CEP120: variants seen among roughly 807,000 people sequenced by gnomAD.
CEP120 encodes the protein centrosomal protein of 120 kDa.
CEP120 carries 113 observed loss-of-function variants against 126.5 expected under a neutral mutation model. The ratio of observed to expected loss-of-function variants is 0.89; its 90% CI spans 0.77 to 1.04. The LOEUF is 1.04. Among genes scored for constraint, CEP120 ranks in the 50% least tolerant of loss-of-function variants. The pLI, the probability that CEP120 is intolerant of heterozygous loss-of-function variation, is 0.00. For missense variants in CEP120, 1,230 were observed against 1,155.7 expected (o/e 1.06, Z -0.93); for synonymous variants, 400 against 394.3 (o/e 1.01, Z -0.17).
chr5:123,392,567 C>T (rs1346516), intron 6 of CEP120, among the ~76,000 whole-genome samples: 12 of 152,010 alleles, frequency 7.9e-5, no homozygotes, highest in African/African-American at 2.9e-4. Flanking sequence ...CTGGAGTACA[C>T]TGGTGTGATC....
At chr5:123,402,885 G>C (rs1438842980) in intron 4 of CEP120, among the ~76,000 whole-genome samples, 1 of 152,152 alleles carries the variant, frequency 6.6e-6, no homozygotes. Context: ...ATGAGATCAG[G>C]TGCCCTTATA....
chr5:123,412,355 A>G (rs1208265546), intron 4 of CEP120, 44 bp downstream of exon 4: 1 of 1,563,624 alleles, frequency 6.4e-7, no homozygotes. Context: ...TCTAGTCCAA[A>G]GATGGAACTT....
chr5:123,401,330 G>A, intron 4 of CEP120: 1 of 1,603,166 alleles, frequency 6.2e-7, no homozygotes, highest in Admixed American at 1.7e-5. Flanking sequence ...ACACTGCTCG[G>A]CATCTGCAAT....
chr5:123,391,637 ATTTTACT>A (rs1772409380), intron 6 of CEP120, among the ~76,000 whole-genome samples: 1 of 152,156 alleles, frequency 6.6e-6, no homozygotes, highest in African/African-American at 2.4e-5. Flanking sequence ...CTACTTTAAT[ATTTTACT>A]ATAACAAAAT....
chr5:123,410,827 C>T (rs1283571886), intron 4 of CEP120, among the ~76,000 whole-genome samples: 1 of 152,184 alleles, frequency 6.6e-6, no homozygotes, highest in Admixed American at 6.5e-5. Context: ...TGCAACAACT[C>T]ATAAGCCGGA....
intron 19 of CEP120, among the ~76,000 whole-genome samples, chr5:123,347,112 A>G (rs553132436): frequency 9.9e-4 from 151 of 152,320 alleles, no homozygotes; most frequent in African/African-American, 3.4e-3. Flanking sequence ...TAAAAAATGC[A>G]TATATGTACT....
rs180781458 is a variant in CEP120 at position 123,376,059 on chromosome 5, G to T, written c.2358+1315C>A. Among the ~76,000 whole-genome samples, 270 of 150,942 alleles carry T rather than the reference G, an allele frequency of 1.8e-3. 3 individuals are homozygous for T. Among genetic ancestry groups the T allele is most frequent in the Admixed American group, 0.017 (251 of 15,152 alleles). On this transcript the variant is annotated intron_variant, in intron 16 of 19. Coordinates refer to ENST00000306467, the MANE Select transcript of CEP120 (RefSeq NM_001375405.1). Reference sequence around the variant, plus strand: ...GTGCTGACAACTGGCCTGGACTCCTGGGATACAGCTATAAACCAGAACAGT... The same window carrying T: ...GTGCTGACAACTGGCCTGGACTCCTTGGATACAGCTATAAACCAGAACAGT...
intron 17 of CEP120, among the ~76,000 whole-genome samples, chr5:123,365,256 TA>T (rs1453323286): frequency 1.3e-5 from 2 of 151,708 alleles, no homozygotes; most frequent in Non-Finnish European, 3.0e-5. Context: ...GTGATTCAAT[TA>T]AAAAATATGA....
Position 123,422,894 on chromosome 5 carries a change from T to C in CEP120, c.49+56A>G, listed in dbSNP as rs373978463. On this transcript the variant is annotated intron_variant, in intron 1 of 19. Transcript: ENST00000306467. ...GGTTAACAAGGCCTCGGTCCCACAC[T>C]AAGCTTTTAAAACTCGGGAGGCAGC... 7.1e-4 allele frequency: 1,081 copies of C among 1,521,066 alleles called. 17 individuals are homozygous for C. The South Asian group carries it at 9.0e-3, about 13-fold the overall frequency. The allele number at this position is 1,521,066 out of a possible 1,614,324, so 94.2% of individuals were successfully genotyped here. A position where few individuals can be genotyped will look rare whatever the true frequency, so the allele number is the denominator to read the frequency against.
chr5:123,385,519 A>C (rs1771959077), intron 10 of CEP120, among the ~76,000 whole-genome samples: 1 of 152,162 alleles, frequency 6.6e-6, no homozygotes, highest in Admixed American at 6.5e-5. Context: ...ATACCATCTA[A>C]GTTTGTTTAA....
chr5:123,388,861 AT>A (rs1772201916), intron 8 of CEP120, among the ~76,000 whole-genome samples: 1 of 152,246 alleles, frequency 6.6e-6, no homozygotes, highest in Admixed American at 6.5e-5. Flanking sequence ...TACAGAACCA[AT>A]AGAGAAATAT....
chr5:123,403,613 T>C (rs1773430992), intron 4 of CEP120: 2 of 341,572 alleles, frequency 5.9e-6, no homozygotes, highest in South Asian at 2.3e-5. Context: ...AAGTTTACAG[T>C]TGAGAGCACT....
intron 18 of CEP120, among the ~76,000 whole-genome samples, chr5:123,353,678 A>G (rs1422326863): frequency 6.6e-6 from 1 of 151,896 alleles, no homozygotes; most frequent in Admixed American, 6.6e-5. Context: ...AATAGCTATA[A>G]GACTATTTCT....
At chr5:123,397,203 A>C (rs776589457) in intron 5 of CEP120, among the ~76,000 whole-genome samples, 4 of 152,172 alleles carry the variant, frequency 2.6e-5, no homozygotes, top group Non-Finnish European at 5.9e-5. Flanking sequence ...AGGTGCCTGT[A>C]ATCCCAGCTA....
intron 4 of CEP120, chr5:123,401,058 C>G (rs966925196): frequency 8.3e-6 from 13 of 1,558,804 alleles, no homozygotes; most frequent in Non-Finnish European, 1.1e-5. Context: ...GCTTGTGAGG[C>G]CCCCACAGGC....
intron 9 of CEP120, chr5:123,388,228 G>C (rs1316656042): frequency 3.0e-6 from 1 of 334,132 alleles, no homozygotes; most frequent in African/African-American, 2.1e-5. Context: ...TATTATATCA[G>C]AATAATAAGA....
At chr5:123,387,923 T>C (rs1426495832) in intron 9 of CEP120, among the ~76,000 whole-genome samples, 4 of 151,994 alleles carry the variant, frequency 2.6e-5, no homozygotes, top group Admixed American at 2.6e-4. Flanking sequence ...TTAAGTATGG[T>C]GTTTAGATTC....
In CEP120 at chr5:123,377,466, GGATA is replaced by G. The variant is rs778877407; in HGVS notation, c.2262_2265del (p.Ile755ValfsTer11). ...TGAATACAGTCCTCTTTGGCCCTAC[GGATA>G]GAGTCCTGCAGTTCTTGCAGGTTCC... On this transcript the variant is annotated frameshift_variant, in exon 16 of 20. Coordinates refer to ENST00000306467, the MANE Select transcript of CEP120 (RefSeq NM_001375405.1). LOFTEE classifies it high-confidence loss of function. 6.2e-7 allele frequency: 1 copy of G among 1,610,642 alleles called. No individual in the cohort carries two copies.
chr5:123,422,710 T>G, intron 1 of CEP120: 1 of 722,850 alleles, frequency 1.4e-6, no homozygotes, highest in Non-Finnish European at 2.3e-6. Flanking sequence ...TTTCTCTAGA[T>G]TCTCTGGGGC....
Sources: gnomAD v4.1 joint callset for allele counts (sites outside exome capture counted in the v4.1 genomes callset) on GRCh38, gnomAD v4.1.1 for gene constraint, MANE v1.5 for transcripts, NCBI Gene and HGNC (gene_info 2026-07-23, HGNC 2026-07-21) for gene names.